NR2C2: variants seen among roughly 807,000 people sequenced by gnomAD.
NR2C2 encodes Nuclear hormone receptor TR4.
NR2C2 carries 6 observed loss-of-function variants against 62.9 expected under a neutral mutation model. The ratio of observed to expected loss-of-function variants is 0.10; its 90% CI spans 0.05 to 0.19. The LOEUF (loss-of-function observed/expected upper bound fraction) is 0.19, where lower values mean the gene tolerates loss of function less well. NR2C2 is among the 10% of genes least tolerant of loss of function. The pLI is 1.00. For missense variants in NR2C2, 479 were observed against 762.7 expected (o/e 0.63, Z 4.38); for synonymous variants, 272 against 273.8 (o/e 0.99, Z 0.07).
At chr3:15,001,221 T>A (rs1211478334) in intron 1 of NR2C2, among the ~76,000 whole-genome samples, 1 of 152,020 alleles carries the variant, frequency 6.6e-6, no homozygotes, top group Non-Finnish European at 1.5e-5. Context: ...TTATCCTTTT[T>A]GATGCATGGT....
intron 9 of NR2C2, 39 bp downstream of exon 9, chr3:15,030,491 T>A: frequency 7.2e-6 from 11 of 1,530,102 alleles, no homozygotes; most frequent in Middle Eastern, 1.8e-4. Flanking sequence ...CCCAACCTGC[T>A]GGGGGATAGG....
At chr3:14,998,332 A>T (rs2040891171) in intron 1 of NR2C2, among the ~76,000 whole-genome samples, 2 of 152,184 alleles carry the variant, frequency 1.3e-5, no homozygotes, top group Admixed American at 1.3e-4. Flanking sequence ...TTACCCTTTG[A>T]GGAACAACCA....
intron 2 of NR2C2, among the ~76,000 whole-genome samples, chr3:15,010,730 T>A (rs1200441471): frequency 1.3e-5 from 2 of 151,182 alleles, no homozygotes; most frequent in African/African-American, 4.9e-5. Context: ...AAAAAAAAAT[T>A]CTGAGCCTTG....
At chr3:14,951,165 A>T (rs2039345807) in intron 1 of NR2C2, among the ~76,000 whole-genome samples, 1 of 152,180 alleles carries the variant, frequency 6.6e-6, no homozygotes, top group Non-Finnish European at 1.5e-5. Flanking sequence ...AAATATTCTG[A>T]TTTTTGTCTC....
rs569695544 is a variant in NR2C2 at position 15,029,423 on chromosome 3, A to G, written c.932+704A>G. Among the ~76,000 whole-genome samples, 7 of 152,294 alleles carry G rather than the reference A, an allele frequency of 4.6e-5. No individual in the cohort carries two copies. The East Asian group carries it at 1.4e-3, about 29-fold the overall frequency. On this transcript the variant is annotated intron_variant, in intron 8 of 13. Coordinates refer to ENST00000425241, the MANE Select transcript of NR2C2 (RefSeq NM_001291694.2). ...TTGTGCTCTGCTCCTAACATGCCAG[A>G]CCAGCCAGATACAAAGCTGGAGACT... is the stretch of plus-strand genomic sequence containing the variant.
chr3:14,952,650 A>G (rs1401589053), intron 1 of NR2C2, among the ~76,000 whole-genome samples: 1 of 152,136 alleles, frequency 6.6e-6, no homozygotes, highest in African/African-American at 2.4e-5. Context: ...CTTTAACTTA[A>G]TGGATACATT....
At chr3:14,975,148 A>T (rs2040167262) in intron 1 of NR2C2, among the ~76,000 whole-genome samples, 1 of 152,174 alleles carries the variant, frequency 6.6e-6, no homozygotes, top group South Asian at 2.1e-4. Context: ...AGAGTTGTAC[A>T]TATAAGGTTC....
intron 7 of NR2C2, among the ~76,000 whole-genome samples, chr3:15,024,971 A>G (rs1324055034): frequency 6.6e-6 from 1 of 152,208 alleles, no homozygotes; most frequent in Non-Finnish European, 1.5e-5. Context: ...CTCTTTTGGG[A>G]AAGAGAAGAC....
intron 11 of NR2C2, among the ~76,000 whole-genome samples, chr3:15,036,814 G>T (rs2125080338): frequency 6.6e-6 from 1 of 152,276 alleles, no homozygotes; most frequent in South Asian, 2.1e-4. Context: ...GTTACATAAG[G>T]GTGAAGTTTA....
chr3:14,958,891 G>A (rs1559527523), intron 1 of NR2C2, among the ~76,000 whole-genome samples: 3 of 152,344 alleles, frequency 2.0e-5, no homozygotes, highest in African/African-American at 7.2e-5. Flanking sequence ...CAGGAGAATC[G>A]CTTGAACCAG....
intron 2 of NR2C2, among the ~76,000 whole-genome samples, chr3:15,010,172 A>T (rs918858505): frequency 6.6e-6 from 1 of 152,082 alleles, no homozygotes; most frequent in African/African-American, 2.4e-5. Context: ...TTGCAATTTG[A>T]TGTGTCCTCT....
intron 1 of NR2C2, among the ~76,000 whole-genome samples, chr3:14,951,731 A>G (rs1420048080): frequency 6.6e-6 from 1 of 151,888 alleles, no homozygotes; most frequent in African/African-American, 2.4e-5. Context: ...CTTTATGAGG[A>G]TGGCTGGAAG....
intron 9 of NR2C2, among the ~76,000 whole-genome samples, chr3:15,032,010 T>A (rs961833616): frequency 3.3e-5 from 5 of 152,150 alleles, no homozygotes; most frequent in Non-Finnish European, 5.9e-5. Context: ...ATTACAGGCA[T>A]GAGCCACCCG....
At chr3:15,039,696 T>C (rs918292547) in intron 13 of NR2C2, among the ~76,000 whole-genome samples, 1 of 152,206 alleles carries the variant, frequency 6.6e-6, no homozygotes. Flanking sequence ...AAAGTGCTTA[T>C]TGACAGAAAA....
chr3:14,967,426 A>G (rs566563671), intron 1 of NR2C2, among the ~76,000 whole-genome samples: 19 of 152,298 alleles, frequency 1.2e-4, no homozygotes, highest in African/African-American at 4.6e-4. Context: ...AAAATCAGAT[A>G]GTAAACACTG....
chr3:14,988,999 C>A (rs1402289891), intron 1 of NR2C2, among the ~76,000 whole-genome samples: 1 of 152,194 alleles, frequency 6.6e-6, no homozygotes, highest in Non-Finnish European at 1.5e-5. Context: ...CCTCTTTTCT[C>A]CTACTCTTCC....
At position 15,003,990 on chromosome 3, in the gene NR2C2, C is replaced by A; in HGVS notation, c.72+4C>A. The A allele has an allele frequency of 6.2e-7, 1 of 1,604,768 alleles. No homozygotes were observed. Among genetic ancestry groups the A allele is most frequent in the Admixed American group, 1.7e-5 (1 of 58,146 alleles). Reference sequence around the variant, plus strand: ...AGCCTCACCTCAGCGCATTCAGGTACCTGCAACCTGCCAATGGCAACCCTG... The same window carrying A: ...AGCCTCACCTCAGCGCATTCAGGTAACTGCAACCTGCCAATGGCAACCCTG... On this transcript the variant is annotated splice_donor_region_variant and intron_variant, in intron 2 of 13. Coordinates refer to ENST00000425241, the MANE Select transcript of NR2C2 (RefSeq NM_001291694.2).
chr3:14,960,837 A>C (rs1043871208), intron 1 of NR2C2, among the ~76,000 whole-genome samples: 1 of 152,204 alleles, frequency 6.6e-6, no homozygotes. Context: ...TACATGCAAT[A>C]CTTGTATTTT....
At chr3:15,015,017 C>G (rs2041468769) in intron 3 of NR2C2, among the ~76,000 whole-genome samples, 1 of 152,178 alleles carries the variant, frequency 6.6e-6, no homozygotes, top group South Asian at 2.1e-4. Context: ...CCAACATGTT[C>G]AGCTTTCAGA....
Sources: allele counts gnomAD v4.1 joint callset (sites outside exome capture counted in the v4.1 genomes callset), GRCh38; gene constraint gnomAD v4.1.1; transcripts MANE v1.5; gene names NCBI Gene and HGNC (gene_info 2026-07-23, HGNC 2026-07-21).